Variants in RALYL observed in about 807,000 individuals in gnomAD.
RALYL encodes the protein RNA-binding Raly-like protein.
RALYL carries 29 observed loss-of-function variants against 35.1 expected under a neutral mutation model. The observed-to-expected ratio is 0.83, with a 90% CI of 0.61 to 1.13. The LOEUF is 1.13. RALYL is among the 50% of genes most tolerant of loss of function. The probability of loss-of-function intolerance (pLI) is 0.00; values close to 1 mark genes in which losing one functional copy is unlikely to be tolerated. For missense variants in RALYL, 359 were observed against 360.4 expected, an observed-to-expected ratio of 1.00 and a Z score of 0.03; for synonymous variants, 120 against 127.6, an observed-to-expected ratio of 0.94 and a Z score of 0.40.
At chr8:84,432,023 G>T (rs1311445544) in intron 1 of RALYL, among the ~76,000 whole-genome samples, 1 of 152,092 alleles carries the variant, frequency 6.6e-6, no homozygotes, top group East Asian at 1.9e-4. Context: ...ATAGCATAGA[G>T]GTTCTTCAAA....
intron 2 of RALYL, among the ~76,000 whole-genome samples, chr8:84,558,244 T>C (rs1159944794): frequency 6.6e-6 from 1 of 152,154 alleles, no homozygotes; most frequent in Non-Finnish European, 1.5e-5. Flanking sequence ...TTTATATTCA[T>C]TGGTGAAAAC....
At chr8:84,482,213 C>T (rs2133902006) in intron 1 of RALYL, among the ~76,000 whole-genome samples, 1 of 152,042 alleles carries the variant, frequency 6.6e-6, no homozygotes, top group South Asian at 2.1e-4. Context: ...GAATACAGCT[C>T]TCCTTTGTTT....
intron 1 of RALYL, among the ~76,000 whole-genome samples, chr8:84,335,034 T>G (rs1196960710): frequency 6.6e-6 from 1 of 152,016 alleles, no homozygotes; most frequent in South Asian, 2.1e-4. Context: ...CTTTGTCGAC[T>G]AACTCTTGTT....
chr8:84,556,922 A>G (rs903068007), intron 2 of RALYL, among the ~76,000 whole-genome samples: 1 of 152,206 alleles, frequency 6.6e-6, no homozygotes, highest in African/African-American at 2.4e-5. Context: ...TGAATGGGAA[A>G]TAAATATTAA....
chr8:84,889,524 G>A (rs1165265201), intron 8 of RALYL, among the ~76,000 whole-genome samples: 3 of 151,814 alleles, frequency 2.0e-5, no homozygotes, highest in Non-Finnish European at 2.9e-5. Context: ...GGTAGCTCAG[G>A]GTTTTGTCTT....
intron 6 of RALYL, among the ~76,000 whole-genome samples, chr8:84,871,256 T>A (rs1351344907): frequency 1.3e-5 from 2 of 152,168 alleles, no homozygotes; most frequent in African/African-American, 4.8e-5. Context: ...TCCAGCCAGA[T>A]GAGTCTATAT....
At chr8:84,628,897 C>T (rs1823329206) in intron 2 of RALYL, among the ~76,000 whole-genome samples, 1 of 151,640 alleles carries the variant, frequency 6.6e-6, no homozygotes, top group African/African-American at 2.4e-5. Context: ...GATGGTCTGT[C>T]CAGTAAAAAA....
intron 4 of RALYL, among the ~76,000 whole-genome samples, chr8:84,847,259 C>G (rs1488699313): frequency 6.6e-6 from 1 of 152,198 alleles, no homozygotes; most frequent in Non-Finnish European, 1.5e-5. Flanking sequence ...TAGCTAGGAT[C>G]CCAGAGGTCT....
intron 3 of RALYL, among the ~76,000 whole-genome samples, chr8:84,785,319 G>C (rs1819154173): frequency 6.6e-6 from 1 of 152,104 alleles, no homozygotes. Flanking sequence ...CTGCAACTAA[G>C]TTGTGTATCT....
intron 4 of RALYL, among the ~76,000 whole-genome samples, chr8:84,839,970 G>A (rs562616474): frequency 1.8e-3 from 279 of 152,204 alleles, no homozygotes; most frequent in Middle Eastern, 0.017. Context: ...CCATCTGTAC[G>A]TCACCATCAT....
intron 2 of RALYL, among the ~76,000 whole-genome samples, chr8:84,770,706 T>G (rs1016378077): frequency 6.6e-6 from 1 of 152,128 alleles, no homozygotes; most frequent in African/African-American, 2.4e-5. Context: ...CATGCCAACA[T>G]TCATTATTTT....
chr8:84,755,271 G>A (rs1048946922), intron 2 of RALYL, among the ~76,000 whole-genome samples: 8 of 152,092 alleles, frequency 5.3e-5, no homozygotes, highest in African/African-American at 1.9e-4. Flanking sequence ...AAACCAAATA[G>A]CAGTCTTTTT....
rs373215420 is a variant in RALYL, at chr8:84,802,212, G to T, written c.333-2558G>T. ...GCTTTATTTACGGACACTGAAGTTT[G>T]AATTTCATGAATTTTCATGTGTCAC... On this transcript the variant is annotated intron_variant, in intron 3 of 8. Coordinates refer to ENST00000521268, the MANE Select transcript of RALYL (RefSeq NM_173848.7). Among the ~76,000 whole-genome samples, 81 of 152,232 alleles carry T rather than the reference G, an allele frequency of 5.3e-4. 1 individual carries two copies. The Middle Eastern group carries it at 0.01, about 19-fold the overall frequency.
At chr8:84,866,440 A>C (rs567004744) in intron 6 of RALYL, among the ~76,000 whole-genome samples, 1 of 152,322 alleles carries the variant, frequency 6.6e-6, no homozygotes, top group African/African-American at 2.4e-5. Flanking sequence ...AGTAATGTTC[A>C]ATGAGGTTAA....
At chr8:84,554,714 C>T (rs990167237) in intron 2 of RALYL, among the ~76,000 whole-genome samples, 3 of 152,246 alleles carry the variant, frequency 2.0e-5, no homozygotes, top group South Asian at 2.1e-4. Flanking sequence ...ACCAATCATT[C>T]GAATTCCCAT....
chr8:84,733,989 T>C (rs558113320), intron 2 of RALYL, among the ~76,000 whole-genome samples: 1 of 152,352 alleles, frequency 6.6e-6, no homozygotes, highest in East Asian at 1.9e-4. Flanking sequence ...TAGTTCTGTA[T>C]ACAAAGTATT....
At chr8:84,549,906 A>AT (rs971130373) in intron 2 of RALYL, among the ~76,000 whole-genome samples, 3 of 151,974 alleles carry the variant, frequency 2.0e-5, no homozygotes, top group African/African-American at 7.3e-5. Flanking sequence ...TTGGATTTGG[A>AT]TTTTTTTTAT....
chr8:84,537,210 C>T (rs1013939393), intron 2 of RALYL, among the ~76,000 whole-genome samples: 9 of 150,008 alleles, frequency 6.0e-5, no homozygotes, highest in African/African-American at 2.2e-4. Flanking sequence ...TGGCTCACAC[C>T]TATAATCTCA....
chr8:84,761,118 T>C (rs1812591304), intron 2 of RALYL, among the ~76,000 whole-genome samples: 1 of 152,092 alleles, frequency 6.6e-6, no homozygotes, highest in African/African-American at 2.4e-5. Flanking sequence ...TTTATCATAA[T>C]TGGCTCTCAG....
Sources: allele counts gnomAD v4.1 joint callset (sites outside exome capture counted in the v4.1 genomes callset), GRCh38; gene constraint gnomAD v4.1.1; transcripts MANE v1.5; gene names NCBI Gene and HGNC (gene_info 2026-07-23, HGNC 2026-07-21).